MAPRE2: variants seen among roughly 807,000 people sequenced by gnomAD.
MAPRE2 encodes the protein microtubule-associated protein RP/EB family member 2.
MAPRE2 carries 13 observed loss-of-function variants against 43.2 expected under a neutral mutation model. The ratio of observed to expected loss-of-function variants is 0.30; its 90% CI spans 0.20 to 0.48. The LOEUF (loss-of-function observed/expected upper bound fraction) is 0.48. MAPRE2 is among the 20% of genes least tolerant of loss of function. The pLI is 0.99. For missense variants in MAPRE2, 161 were observed against 400.2 expected (o/e 0.40, Z 5.10); for synonymous variants, 135 against 148.8 (o/e 0.91, Z 0.68).
intron 3 of MAPRE2, among the ~76,000 whole-genome samples, chr18:35,101,328 A>C (rs1908668973): frequency 6.6e-6 from 1 of 152,318 alleles, no homozygotes; most frequent in East Asian, 1.9e-4. Flanking sequence ...TGATACAGGC[A>C]TGCAATATGA....
intron 1 of MAPRE2, chr18:34,978,436 G>T: frequency 1.5e-6 from 2 of 1,303,760 alleles, no homozygotes. Flanking sequence ...GTGCAGACCG[G>T]TTGCGATTGT....
At chr18:35,069,389 T>TAA (rs33947933) in intron 1 of MAPRE2, among the ~76,000 whole-genome samples, 1 of 151,678 alleles carries the variant, frequency 6.6e-6, no homozygotes, top group African/African-American at 2.4e-5. Flanking sequence ...CTGTTTTTTT[T>TAA]AAAAATTATT....
chr18:35,002,420 G>T (rs2097029813), intron 1 of MAPRE2, among the ~76,000 whole-genome samples: 1 of 152,148 alleles, frequency 6.6e-6, no homozygotes, highest in Admixed American at 6.5e-5. Flanking sequence ...TTTCTCTGGG[G>T]TATACGCCAA....
chr18:35,013,891 C>A (rs2097036454), intron 2 of MAPRE2, among the ~76,000 whole-genome samples: 1 of 151,492 alleles, frequency 6.6e-6, no homozygotes, highest in Non-Finnish European at 1.5e-5. Context: ...GTATATACTA[C>A]ATTTTCTTTA....
chr18:35,053,478 GA>G (rs76970174), intron 1 of MAPRE2, among the ~76,000 whole-genome samples: 51 of 147,654 alleles, frequency 3.5e-4, no homozygotes, highest in African/African-American at 1.0e-3. Context: ...TTTTAGCTGA[GA>G]AAAAAAAAAC....
Position 35,141,209 on chromosome 18 carries a change from A to G in MAPRE2, c.*840A>G, listed in dbSNP as rs1160779231. Reference sequence around the variant, plus strand: ...GCCATCAGTTTTCTGCAGTCCAAAGAGGGTATGGTTAGGTACGGGTCTTCC... The same window carrying G: ...GCCATCAGTTTTCTGCAGTCCAAAGGGGGTATGGTTAGGTACGGGTCTTCC... On this transcript the variant is annotated 3_prime_UTR_variant, in exon 7 of 7. Transcript: ENST00000300249. 6.6e-6 allele frequency: 1 copy of G among 151,708 alleles called. No homozygotes were observed. Among genetic ancestry groups the G allele is most frequent in the Non-Finnish European group, 1.5e-5 (1 of 67,916 alleles). 9.4% of individuals were successfully genotyped at this position (151,708 alleles called of 1,614,324 possible).
intron 6 of MAPRE2, among the ~76,000 whole-genome samples, chr18:35,135,198 C>T (rs1306002043): frequency 1.3e-5 from 2 of 152,158 alleles, no homozygotes; most frequent in African/African-American, 2.4e-5. Flanking sequence ...GAGAGTAAGC[C>T]GTTTGATCTG....
intron 4 of MAPRE2, among the ~76,000 whole-genome samples, chr18:35,120,195 G>A (rs1442072622): frequency 6.6e-6 from 1 of 152,174 alleles, no homozygotes; most frequent in Non-Finnish European, 1.5e-5. Context: ...GGTGAAGGAT[G>A]TCCAATTCCC....
chr18:35,070,204 G>T lies in MAPRE2; in HGVS notation c.132G>T (p.Met44Ile). The change falls in exon 2 of 7, where the codon ATG becomes ATT. Residue 44 changes from methionine (M) to isoleucine (I), a missense_variant. Transcript: ENST00000300249. ...TTTGTTTTTTTTCTAGTTGGGGAAT[G>T]GCGGTCAATGTGTATTCTACCTCGA... Reference protein sequence around the residue: ...VRGERSYSWGMAVNVYSTSIT... With the variant: ...VRGERSYSWGIAVNVYSTSIT... The T allele has an allele frequency of 1.3e-6, 2 of 1,587,432 alleles. No homozygotes were observed. The highest frequency in any genetic ancestry group is 2.7e-5 in the African/African-American group (2 of 73,404).
At chr18:35,071,151 A>G (rs923761472) in intron 2 of MAPRE2, among the ~76,000 whole-genome samples, 4 of 152,224 alleles carry the variant, frequency 2.6e-5, no homozygotes, top group East Asian at 3.9e-4. Flanking sequence ...CAAGGAATAT[A>G]TATTGAGTTA....
At chr18:35,001,887 G>T (rs2097029562) in intron 1 of MAPRE2, among the ~76,000 whole-genome samples, 1 of 152,158 alleles carries the variant, frequency 6.6e-6, no homozygotes, top group African/African-American at 2.4e-5. Context: ...ATTTTGAGAT[G>T]ATTGTACAGT....
At chr18:34,996,368 C>T (rs531116860) in intron 1 of MAPRE2, among the ~76,000 whole-genome samples, 11 of 152,238 alleles carry the variant, frequency 7.2e-5, no homozygotes, top group African/African-American at 2.2e-4. Context: ...ACCTAGATCC[C>T]TCATGTGCAC....
intron 6 of MAPRE2, among the ~76,000 whole-genome samples, chr18:35,138,791 C>T (rs796473780): frequency 2.6e-5 from 4 of 152,218 alleles, no homozygotes; most frequent in South Asian, 2.1e-4. Context: ...AGACCCAAAC[C>T]CACACGGCCT....
chr18:35,097,250 A>G (rs925684125), intron 2 of MAPRE2, among the ~76,000 whole-genome samples, 196 bp from the exon 3 acceptor site: 3 of 152,104 alleles, frequency 2.0e-5, no homozygotes, highest in African/African-American at 4.8e-5. Flanking sequence ...CAGGTGCTGT[A>G]TTGTTGAGGT....
At chr18:34,985,735 AT>A (rs369325793) in intron 1 of MAPRE2, among the ~76,000 whole-genome samples, 54 of 92,616 alleles carry the variant, frequency 5.8e-4, no homozygotes, top group African/African-American at 1.3e-3. Context: ...TAATATATAA[AT>A]ATATATTATA....
chr18:35,054,050 C>G (rs190682846), intron 1 of MAPRE2, among the ~76,000 whole-genome samples: 54 of 152,228 alleles, frequency 3.5e-4, no homozygotes, highest in African/African-American at 1.3e-3. Context: ...TTGGATGCCC[C>G]CCTTTTAAAA....
chr18:35,042,317 A>C (rs1421062997), intron 1 of MAPRE2, among the ~76,000 whole-genome samples: 1 of 151,878 alleles, frequency 6.6e-6, no homozygotes, highest in Non-Finnish European at 1.5e-5. Flanking sequence ...TTTTCTAAGG[A>C]GTTTATGGCC....
chr18:35,045,008 A>T (rs987463112), intron 1 of MAPRE2, among the ~76,000 whole-genome samples: 1 of 152,214 alleles, frequency 6.6e-6, no homozygotes, highest in Non-Finnish European at 1.5e-5. Context: ...TTCCTTTAGA[A>T]AATTACCCCT....
chr18:34,978,302 T>A, intron 1 of MAPRE2: 3 of 621,430 alleles, frequency 4.8e-6, no homozygotes, highest in Non-Finnish European at 8.6e-6. Context: ...CAATGTAGAA[T>A]GAAGGGTTAA....
Sources: allele counts gnomAD v4.1 joint callset (sites outside exome capture counted in the v4.1 genomes callset), GRCh38; gene constraint gnomAD v4.1.1; transcripts MANE v1.5; gene names NCBI Gene and HGNC (gene_info 2026-07-23, HGNC 2026-07-21).